Variants in PLAC1 observed in about 807,000 individuals in gnomAD.
PLAC1 encodes the protein placenta-specific protein 1.
For synonymous variants in PLAC1, 68 were observed against 62.1 expected, an observed-to-expected ratio of 1.09 and a Z score of -0.44; for missense variants, 136 against 163.2, an observed-to-expected ratio of 0.83 and a Z score of 0.91.
intron 2 of PLAC1, among the ~76,000 whole-genome samples, chrX:134,714,139 C>A (rs2078636376): frequency 8.9e-6 from 1 of 112,188 alleles, no homozygotes; most frequent in Non-Finnish European, 1.9e-5. Context: ...TTTGTGGTCT[C>A]CCAGCCAGGC....
intron 1 of PLAC1, among the ~76,000 whole-genome samples, chrX:134,646,437 G>A (rs2078333905): frequency 8.9e-6 from 1 of 112,472 alleles, no homozygotes; most frequent in African/African-American, 3.2e-5. Flanking sequence ...TTGGTGCATT[G>A]AAAAGACAGT....
chrX:134,734,350 G>A (rs1252363901), intron 1 of PLAC1, among the ~76,000 whole-genome samples: 1 of 111,995 alleles, frequency 8.9e-6, no homozygotes, highest in Non-Finnish European at 1.9e-5. Context: ...ATTAGCACTG[G>A]GAACGCATGG....
chrX:134,714,348 C>T (rs2078637152), intron 2 of PLAC1, among the ~76,000 whole-genome samples: 1 of 109,325 alleles, frequency 9.1e-6, no homozygotes, highest in Non-Finnish European at 1.9e-5. Context: ...TCTCTCTCCC[C>T]TTCCCCTGTA....
At chrX:134,643,375 A>G (rs1226250822) in intron 1 of PLAC1, among the ~76,000 whole-genome samples, 5 of 111,677 alleles carry the variant, frequency 4.5e-5, no homozygotes, top group Non-Finnish European at 7.5e-5. Flanking sequence ...CAAACAAACA[A>G]TTTCAGAGCA....
chrX:134,570,187 A>G (rs1471167492), intron 2 of PLAC1, among the ~76,000 whole-genome samples: 1 of 111,390 alleles, frequency 9.0e-6, no homozygotes, highest in Non-Finnish European at 1.9e-5. Context: ...TCATCAGCTG[A>G]CTTTTCTAAC....
At chrX:134,585,053 C>T (rs1337002368) in intron 2 of PLAC1, among the ~76,000 whole-genome samples, 2 of 109,232 alleles carry the variant, frequency 1.8e-5, no homozygotes, top group African/African-American at 6.7e-5. Context: ...TATTTTAGGC[C>T]GGGCGCGGTG....
intron 2 of PLAC1, among the ~76,000 whole-genome samples, chrX:134,667,736 T>C (rs1484279796): frequency 1.8e-5 from 2 of 110,325 alleles, no homozygotes; most frequent in Non-Finnish European, 3.8e-5. Context: ...GCCTGGGCTA[T>C]GCAGGGAGAC....
Position 134,599,939 on chromosome X carries a change from A to G in PLAC1, c.-59+2112T>C, listed in dbSNP as rs146096826. ...TTGTTCCACAGATCTGGAAAGTTTA[A>G]AAAGGGGTGGGGATGGAGAGAAAAG... On this transcript the variant is annotated intron_variant, in intron 2 of 2. Coordinates refer to ENST00000359237, the MANE Select transcript of PLAC1 (RefSeq NM_021796.4). Among the ~76,000 whole-genome samples the G allele has an allele frequency of 1.2e-3, 132 of 111,357 alleles. 1 individual carries two copies. The highest frequency in any genetic ancestry group is 0.01 in the East Asian group (36 of 3,536).
At chrX:134,654,604 G>A (rs2078379958) in intron 1 of PLAC1, among the ~76,000 whole-genome samples, 1 of 112,099 alleles carries the variant, frequency 8.9e-6, no homozygotes, top group Non-Finnish European at 1.9e-5. Context: ...GGCCCCTCAT[G>A]CACTTGCTGA....
intron 1 of PLAC1, among the ~76,000 whole-genome samples, chrX:134,756,253 A>G (rs1327183268): frequency 1.8e-5 from 2 of 110,172 alleles, no homozygotes; most frequent in Admixed American, 1.9e-4. Flanking sequence ...ATTTTATGGC[A>G]TTTGGATTTG....
chrX:134,669,565 C>T (rs947838683), intron 2 of PLAC1, among the ~76,000 whole-genome samples: 4 of 111,983 alleles, frequency 3.6e-5, no homozygotes, highest in South Asian at 3.7e-4. Context: ...CTCAGACAGA[C>T]GGAATACAGG....
chrX:134,669,725 T>C (rs2078449007), intron 2 of PLAC1, among the ~76,000 whole-genome samples: 1 of 112,509 alleles, frequency 8.9e-6, no homozygotes, highest in African/African-American at 3.2e-5. Context: ...GTGAGCGGGA[T>C]GCTGGGGCAG....
chrX:134,678,235 C>A (rs1187542118), intron 2 of PLAC1, among the ~76,000 whole-genome samples: 1 of 111,820 alleles, frequency 8.9e-6, no homozygotes, highest in African/African-American at 3.3e-5. Flanking sequence ...CTTTCCATGG[C>A]CCACAACACC....
intron 1 of PLAC1, among the ~76,000 whole-genome samples, chrX:134,639,279 G>A (rs1290611220): frequency 8.9e-6 from 1 of 111,744 alleles, no homozygotes; most frequent in African/African-American, 3.3e-5. Context: ...GATATTTGGG[G>A]TTTCTTAGAA....
At chrX:134,569,739 AGTGTGTGTGTGTGT>A (rs749953575) in intron 2 of PLAC1, among the ~76,000 whole-genome samples, 162 of 72,164 alleles carry the variant, frequency 2.2e-3, no homozygotes, top group African/African-American at 7.4e-3. Flanking sequence ...AGGGTAGAGT[AGTGTGTGTGTGTGT>A]GTGTGTGTGT....
chrX:134,727,789 A>G (rs1045408978), intron 2 of PLAC1, among the ~76,000 whole-genome samples: 1 of 112,126 alleles, frequency 8.9e-6, no homozygotes, highest in African/African-American at 3.2e-5. Context: ...GAAAACAATC[A>G]ATAGAAACTG....
At chrX:134,610,663 G>A (rs944815828) in intron 1 of PLAC1, among the ~76,000 whole-genome samples, 3 of 111,423 alleles carry the variant, frequency 2.7e-5, no homozygotes, top group African/African-American at 9.8e-5. Context: ...CTCCAAAGCT[G>A]GTCGAGGGTG....
At chrX:134,595,502 G>A (rs185391025) in intron 2 of PLAC1, among the ~76,000 whole-genome samples, 150 of 109,059 alleles carry the variant, frequency 1.4e-3, no homozygotes, top group Non-Finnish European at 2.6e-3. Context: ...ATCAGTTTTT[G>A]CTTCACATAT....
Position 134,573,881 on chromosome X carries a change from G to A in PLAC1, c.-58-7141C>T, listed in dbSNP as rs201932508. Among the ~76,000 whole-genome samples, 9 of 111,375 alleles carry A rather than the reference G, an allele frequency of 8.1e-5. No homozygotes were observed. The East Asian group carries it at 2.3e-3, about 28-fold the overall frequency. On this transcript the variant is annotated intron_variant, in intron 2 of 2. Transcript: ENST00000359237. ...TGCATGTGTATAACATCCTGACTGAGGCCATTCACCATCATTTGGCTCCTG... is the reference window on the plus strand; with the variant it reads ...TGCATGTGTATAACATCCTGACTGAAGCCATTCACCATCATTTGGCTCCTG...
Sources: gnomAD v4.1 joint callset for allele counts (sites outside exome capture counted in the v4.1 genomes callset) on GRCh38, gnomAD v4.1.1 for gene constraint, MANE v1.5 for transcripts, NCBI Gene and HGNC (gene_info 2026-07-23, HGNC 2026-07-21) for gene names.